EXT1: variants seen among roughly 807,000 people sequenced by gnomAD.
EXT1 encodes the protein exostosin glycosyltransferase 1, also known as exostosin-1.
Under a neutral mutation model 82.5 loss-of-function variants are expected in EXT1, and 20 were observed. The ratio of observed to expected loss-of-function variants is 0.24; its 90% CI spans 0.17 to 0.35. The LOEUF is 0.35. Among genes scored for constraint, EXT1 ranks in the 10% least tolerant of loss-of-function variants. The pLI is 1.00. For missense variants in EXT1, 757 were observed against 936.5 expected, an observed-to-expected ratio of 0.81 and a Z score of 2.50; for synonymous variants, 348 against 350.8, an observed-to-expected ratio of 0.99 and a Z score of 0.09.
chr8:118,096,633 A>G (rs1817618446), intron 1 of EXT1, among the ~76,000 whole-genome samples: 1 of 15,036 alleles, frequency 6.7e-5, no homozygotes, highest in African/African-American at 2.1e-4. Flanking sequence ...GAAGGAAGGA[A>G]GGAAGGAAGG....
intron 1 of EXT1, among the ~76,000 whole-genome samples, chr8:118,021,611 TG>T (rs2129858175): frequency 6.6e-6 from 1 of 152,308 alleles, no homozygotes; most frequent in East Asian, 1.9e-4. Context: ...TGTCTGACAG[TG>T]GCATCAAAAC....
intron 1 of EXT1, among the ~76,000 whole-genome samples, chr8:117,853,373 C>G (rs10111573): frequency 2.0e-5 from 3 of 152,110 alleles, no homozygotes; most frequent in African/African-American, 7.2e-5. Flanking sequence ...GGTGAAACCC[C>G]CTCTCTACTA....
chr8:117,989,954 G>T (rs1815399796), intron 1 of EXT1, among the ~76,000 whole-genome samples: 1 of 152,172 alleles, frequency 6.6e-6, no homozygotes, highest in East Asian at 1.9e-4. Context: ...CCAGCACTTT[G>T]AGAGGCCAAG....
Position 118,022,764 on chromosome 8 carries a change from A to G in EXT1, c.962+87321T>C, listed in dbSNP as rs147888944. ...TTTTAAAGATTTATTATTTTTCTGG[A>G]ATGCAACGAGACAGGTTAAAAGAAA... On this transcript the variant is annotated intron_variant, in intron 1 of 10. Transcript: ENST00000378204. Among the ~76,000 whole-genome samples, 526 of 152,294 alleles carry G rather than the reference A, an allele frequency of 3.5e-3. 3 individuals carry two copies. Among genetic ancestry groups the G allele is most frequent in the African/African-American group, 0.012 (488 of 41,568 alleles).
intron 1 of EXT1, among the ~76,000 whole-genome samples, chr8:117,999,590 A>C (rs112107885): frequency 1.4e-4 from 21 of 152,154 alleles, no homozygotes; most frequent in African/African-American, 5.1e-4. Flanking sequence ...AAAGCACATA[A>C]ATTTTGAATT....
At chr8:118,099,531 G>C (rs1374772432) in intron 1 of EXT1, among the ~76,000 whole-genome samples, 1 of 152,194 alleles carries the variant, frequency 6.6e-6, no homozygotes, top group Non-Finnish European at 1.5e-5. Flanking sequence ...TGGTCTTTAT[G>C]ACATCAGTTC....
chr8:118,064,542 T>G (rs1267310238), intron 1 of EXT1, among the ~76,000 whole-genome samples: 1 of 152,224 alleles, frequency 6.6e-6, no homozygotes, highest in African/African-American at 2.4e-5. Flanking sequence ...TATTCCATGG[T>G]ATATATGTGC....
chr8:117,884,250 C>G (rs1586263192), intron 1 of EXT1, among the ~76,000 whole-genome samples: 2 of 152,204 alleles, frequency 1.3e-5, no homozygotes, highest in Non-Finnish European at 2.9e-5. Flanking sequence ...TCCCAGACAG[C>G]AGGAAAACAA....
chr8:117,988,801 C>A (rs1221329133), intron 1 of EXT1, among the ~76,000 whole-genome samples: 1 of 152,224 alleles, frequency 6.6e-6, no homozygotes, highest in African/African-American at 2.4e-5. Flanking sequence ...TCCCTGTGGA[C>A]AGATGAGCAC....
chr8:118,022,248 G>A (rs1369732156), intron 1 of EXT1, among the ~76,000 whole-genome samples: 1 of 150,488 alleles, frequency 6.6e-6, no homozygotes. Flanking sequence ...ATATATAACT[G>A]GGAAAGCAAG....
chr8:117,881,856 C>A (rs955007568), intron 1 of EXT1, among the ~76,000 whole-genome samples: 1 of 152,146 alleles, frequency 6.6e-6, no homozygotes, highest in Non-Finnish European at 1.5e-5. Flanking sequence ...GCCCATTGCT[C>A]CTCCTAAGCT....
chr8:118,010,341 C>A (rs1296865837), intron 1 of EXT1, among the ~76,000 whole-genome samples: 1 of 142,868 alleles, frequency 7.0e-6, no homozygotes, highest in Non-Finnish European at 1.5e-5. Context: ...CACTGCACTC[C>A]AGCCTGAGCG....
At chr8:117,822,734 TA>T in intron 4 of EXT1, 137 bp from the exon 5 acceptor site, 1 of 888,620 alleles carries the variant, frequency 1.1e-6, no homozygotes, top group Admixed American at 1.9e-5. Context: ...ATTCTCCGGA[TA>T]AAAATGTCTG....
chr8:117,972,926 A>G (rs532705377), intron 1 of EXT1, among the ~76,000 whole-genome samples: 5 of 152,260 alleles, frequency 3.3e-5, no homozygotes, highest in Admixed American at 3.3e-4. Context: ...ACACATGGGG[A>G]TTATGGGAAC....
chr8:118,004,679 G>A (rs1815739150), intron 1 of EXT1, among the ~76,000 whole-genome samples: 1 of 152,140 alleles, frequency 6.6e-6, no homozygotes, highest in African/African-American at 2.4e-5. Context: ...AGTCTCTTGA[G>A]CTTCCCTTAC....
intron 1 of EXT1, among the ~76,000 whole-genome samples, chr8:118,096,191 T>G (rs371685111): frequency 6.6e-6 from 1 of 152,340 alleles, no homozygotes; most frequent in East Asian, 1.9e-4. Flanking sequence ...CTACAGACTG[T>G]TAAATGATAA....
chr8:117,988,823 G>A (rs1206444494), intron 1 of EXT1, among the ~76,000 whole-genome samples: 3 of 152,140 alleles, frequency 2.0e-5, no homozygotes, highest in East Asian at 1.9e-4. Flanking sequence ...GGCTCCTGCC[G>A]GTCCAACCCA....
chr8:117,976,645 G>A (rs1023183388), intron 1 of EXT1, among the ~76,000 whole-genome samples: 1 of 152,216 alleles, frequency 6.6e-6, no homozygotes, highest in Non-Finnish European at 1.5e-5. Context: ...AATGAACCTG[G>A]TGGTAATTAC....
chr8:117,893,376 C>T (rs1453159315), intron 1 of EXT1, among the ~76,000 whole-genome samples: 1 of 152,208 alleles, frequency 6.6e-6, no homozygotes, highest in Non-Finnish European at 1.5e-5. Context: ...CCAAGAACAA[C>T]AAAAGCCACA....
Sources: gnomAD v4.1 joint callset for allele counts (sites outside exome capture counted in the v4.1 genomes callset) on GRCh38, gnomAD v4.1.1 for gene constraint, MANE v1.5 for transcripts, NCBI Gene and HGNC (gene_info 2026-07-23, HGNC 2026-07-21) for gene names.